The following ITGA9 variants were observed in gnomAD, a reference collection of about 807,000 sequenced individuals.
ITGA9 encodes integrin subunit alpha 9, also known as integrin alpha-9.
ITGA9 carries 56 observed loss-of-function variants against 127.8 expected under a neutral mutation model. The observed-to-expected ratio is 0.44, with a 90% CI of 0.35 to 0.55. The LOEUF is 0.55. ITGA9 is among the 20% of genes least tolerant of loss of function. The probability of loss-of-function intolerance (pLI) is 0.00; values close to 1 mark genes in which losing one functional copy is unlikely to be tolerated. For missense variants in ITGA9, 1,196 were observed against 1,347.1 expected (o/e 0.89, Z 1.76); for synonymous variants, 508 against 514.5 (o/e 0.99, Z 0.17).
At chr3:37,509,701 G>GGCTC (rs1480515295) in intron 8 of ITGA9, among the ~76,000 whole-genome samples, 2 of 152,136 alleles carry the variant, frequency 1.3e-5, no homozygotes, top group Admixed American at 1.3e-4. Context: ...TCCTCAGAAT[G>GGCTC]GCTCTGCCTT....
intron 11 of ITGA9, among the ~76,000 whole-genome samples, 160 bp downstream of exon 11, chr3:37,519,514 T>C (rs189640299): frequency 9.8e-5 from 15 of 152,348 alleles, no homozygotes; most frequent in Non-Finnish European, 1.6e-4. Context: ...ATATTGCTTA[T>C]TAAATACTAA....
chr3:37,733,292 C>T (rs939323900), intron 19 of ITGA9, among the ~76,000 whole-genome samples: 4 of 152,192 alleles, frequency 2.6e-5, no homozygotes, highest in South Asian at 2.1e-4. Context: ...AATTAAGTCA[C>T]TTTGGTATTG....
intron 18 of ITGA9, among the ~76,000 whole-genome samples, chr3:37,730,634 A>G (rs1417090188): frequency 6.6e-6 from 1 of 152,140 alleles, no homozygotes; most frequent in Non-Finnish European, 1.5e-5. Context: ...TCTCTCAGAT[A>G]TGTTCTCTCA....
rs34875348 is a variant in ITGA9, at chr3:37,729,700, CTTT to C, written c.2068-2992_2068-2990del. 4.6e-4 allele frequency among the ~76,000 whole-genome samples: 39 copies of C among 84,118 alleles called. 1 individual carries two copies. The East Asian group carries it at 6.0e-3, about 13-fold the overall frequency. The allele number at this position is 84,118 out of a possible 152,430, so 55.2% of individuals were successfully genotyped here. On this transcript the variant is annotated intron_variant, in intron 18 of 27. Transcript: ENST00000264741. ...TTGGGGCAATAAATCTTTTTGATTT[CTTT>C]TTTTTTTTTTTTTTTTTTTGAGACA...
intron 8 of ITGA9, among the ~76,000 whole-genome samples, chr3:37,510,085 T>C (rs1398960612): frequency 6.8e-6 from 1 of 147,734 alleles, no homozygotes; most frequent in Non-Finnish European, 1.5e-5. Flanking sequence ...CACTGTAACA[T>C]CTGCCTCCTG....
At chr3:37,571,620 G>A (rs1169270034) in intron 15 of ITGA9, among the ~76,000 whole-genome samples, 1 of 152,158 alleles carries the variant, frequency 6.6e-6, no homozygotes, top group Non-Finnish European at 1.5e-5. Flanking sequence ...AGTGGGTCTG[G>A]GGTTGGGACT....
chr3:37,584,177 G>A (rs906732915), intron 15 of ITGA9, among the ~76,000 whole-genome samples: 1 of 152,212 alleles, frequency 6.6e-6, no homozygotes, highest in African/African-American at 2.4e-5. Context: ...ACGTTGGCTG[G>A]GGAAGCTGTT....
chr3:37,725,983 G>A (rs972538530), intron 18 of ITGA9, among the ~76,000 whole-genome samples: 8 of 152,198 alleles, frequency 5.3e-5, no homozygotes, highest in South Asian at 2.1e-4. Context: ...GCTCAAGCCC[G>A]AAGGATTCCC....
At chr3:37,549,083 A>G (rs976312975) in intron 15 of ITGA9, among the ~76,000 whole-genome samples, 1 of 152,220 alleles carries the variant, frequency 6.6e-6, no homozygotes, top group Non-Finnish European at 1.5e-5. Flanking sequence ...CCACGCTGGA[A>G]GTCAGCTCAC....
intron 14 of ITGA9, among the ~76,000 whole-genome samples, chr3:37,535,169 G>T (rs1699196379): frequency 6.6e-6 from 1 of 152,246 alleles, no homozygotes. Flanking sequence ...AGGCACTGGA[G>T]ATATAGTCCT....
At chr3:37,654,540 C>T (rs1310517708) in intron 17 of ITGA9, among the ~76,000 whole-genome samples, 3 of 152,178 alleles carry the variant, frequency 2.0e-5, no homozygotes, top group African/African-American at 4.8e-5. Flanking sequence ...CCAGAAACCC[C>T]TCTATTAGTT....
intron 15 of ITGA9, among the ~76,000 whole-genome samples, chr3:37,587,198 G>A (rs574329416): frequency 2.0e-5 from 3 of 152,276 alleles, no homozygotes; most frequent in South Asian, 4.2e-4. Flanking sequence ...ATTAAAAATG[G>A]TATGTATGCC....
intron 18 of ITGA9, among the ~76,000 whole-genome samples, chr3:37,714,051 A>G (rs976473761): frequency 6.6e-6 from 1 of 152,228 alleles, no homozygotes; most frequent in East Asian, 1.9e-4. Context: ...GGTGTCCCCC[A>G]TCAGGACAGT....
intron 23 of ITGA9, among the ~76,000 whole-genome samples, chr3:37,750,966 G>GA (rs1205755816): frequency 6.6e-6 from 1 of 152,252 alleles, no homozygotes; most frequent in Non-Finnish European, 1.5e-5. Context: ...AGGGGCACGT[G>GA]AAGGACATTC....
At chr3:37,792,577 C>T (rs1697124779) in intron 26 of ITGA9, among the ~76,000 whole-genome samples, 1 of 152,172 alleles carries the variant, frequency 6.6e-6, no homozygotes, top group African/African-American at 2.4e-5. Context: ...TAGCAGGAAG[C>T]TGGTTAGCAG....
chr3:37,801,173 A>G (rs928266368), intron 26 of ITGA9, among the ~76,000 whole-genome samples: 1 of 152,126 alleles, frequency 6.6e-6, no homozygotes, highest in Non-Finnish European at 1.5e-5. Flanking sequence ...TCAAAAAAAG[A>G]AAGAAAAGAA....
At chr3:37,804,854 A>C (rs1470649191) in intron 27 of ITGA9, among the ~76,000 whole-genome samples, 1 of 152,222 alleles carries the variant, frequency 6.6e-6, no homozygotes, top group Non-Finnish European at 1.5e-5. Flanking sequence ...ATTACCAAAA[A>C]AAGTTGTAAA....
chr3:37,529,335 G>A (rs1699126016), intron 13 of ITGA9, among the ~76,000 whole-genome samples: 1 of 152,128 alleles, frequency 6.6e-6, no homozygotes, highest in African/African-American at 2.4e-5. Flanking sequence ...TCAGGCAGTG[G>A]TGTCAAAGTC....
At chr3:37,489,020 A>G (rs1698640050) in intron 4 of ITGA9, among the ~76,000 whole-genome samples, 1 of 151,966 alleles carries the variant, frequency 6.6e-6, no homozygotes, top group Admixed American at 6.6e-5. Context: ...CTGCCATTCT[A>G]CTTTGTCTCT....
Sources: allele counts gnomAD v4.1 joint callset (sites outside exome capture counted in the v4.1 genomes callset), GRCh38; gene constraint gnomAD v4.1.1; transcripts MANE v1.5; gene names NCBI Gene and HGNC (gene_info 2026-07-23, HGNC 2026-07-21).